The following JAK1 variants were observed in gnomAD, a reference collection of about 807,000 sequenced individuals.
JAK1 encodes the protein Janus kinase 1.
A neutral mutation model predicts 136.6 loss-of-function variants in JAK1; 16 were observed. The ratio of observed to expected loss-of-function variants is 0.12; its 90% CI spans 0.08 to 0.18. The LOEUF is 0.18. Ranked by LOEUF, JAK1 falls within the 10% of genes least tolerant of loss-of-function variation. The pLI is 1.00. For missense variants in JAK1, 859 were observed against 1,450.1 expected (o/e 0.59, Z 6.62); for synonymous variants, 492 against 519.5 (o/e 0.95, Z 0.72).
At chr1:65,040,491 C>T (rs957508467) in intron 2 of JAK1, among the ~76,000 whole-genome samples, 2 of 152,136 alleles carry the variant, frequency 1.3e-5, no homozygotes, top group Non-Finnish European at 2.9e-5. Flanking sequence ...ACCTTACAAT[C>T]GGGATGAGCA....
At chr1:64,904,332 G>C (rs1006463594) in intron 1 of JAK1, among the ~76,000 whole-genome samples, 1 of 152,112 alleles carries the variant, frequency 6.6e-6, no homozygotes, top group African/African-American at 2.4e-5. Flanking sequence ...ATGTTTTCTG[G>C]AATCTTGTAC....
intron 2 of JAK1, among the ~76,000 whole-genome samples, chr1:65,035,029 T>C (rs534639195): frequency 4.7e-4 from 72 of 151,958 alleles, no homozygotes; most frequent in Non-Finnish European, 4.9e-4. Flanking sequence ...GCACTCCAGC[T>C]TGGGCAACAA....
rs376548149 is a variant in JAK1, at chr1:64,996,756, C to T, written c.-78+47724G>A. 1.9e-4 allele frequency among the ~76,000 whole-genome samples: 29 copies of T among 152,264 alleles called. 5 individuals carry two copies. The highest frequency in any genetic ancestry group is 3.3e-4 in the Admixed American group (5 of 15,298). The stretch of plus-strand genomic sequence containing the variant: ...TTGCTGAATTCACATAAAAATCAGG[C>T]TACACTTGAGAAATCTGAAGAACAC... On this transcript the variant is annotated intron_variant, in intron 2 of 25. Transcript: ENST00000671954.
chr1:64,988,954 A>G (rs904275014), intron 2 of JAK1, among the ~76,000 whole-genome samples: 1 of 132,154 alleles, frequency 7.6e-6, no homozygotes, highest in African/African-American at 2.7e-5. Flanking sequence ...ATGTGTATAT[A>G]TATGTATGTA....
intron 2 of JAK1, among the ~76,000 whole-genome samples, chr1:64,975,128 G>A (rs913520238): frequency 2.7e-5 from 4 of 150,418 alleles, no homozygotes; most frequent in Non-Finnish European, 5.9e-5. Flanking sequence ...TCACTACATT[G>A]CCCGGGCTGG....
At chr1:64,955,537 G>T (rs1235672779) in intron 1 of JAK1, among the ~76,000 whole-genome samples, 1 of 152,158 alleles carries the variant, frequency 6.6e-6, no homozygotes, top group Non-Finnish European at 1.5e-5. Context: ...AGAGAAATAG[G>T]AGAGTATGCT....
At position 65,020,152 on chromosome 1, in the gene JAK1, G is replaced by A. The variant is rs539832295; in HGVS notation, c.-78+24328C>T. ...AAGCAGGAGAATCGCTTGAACCCGG[G>A]AGGCGGAGGTTGCAGTGAGCTGAGA... On this transcript the variant is annotated intron_variant, in intron 2 of 25. Coordinates refer to the JAK1 transcript ENST00000671954. Among the ~76,000 whole-genome samples, 12 of 150,504 alleles carry A rather than the reference G, an allele frequency of 8.0e-5. 1 individual carries two copies. The South Asian group carries it at 2.5e-3, about 32-fold the overall frequency.
At chr1:65,009,469 C>T (rs891075611) in intron 2 of JAK1, among the ~76,000 whole-genome samples, 4 of 151,974 alleles carry the variant, frequency 2.6e-5, no homozygotes, top group African/African-American at 9.7e-5. Flanking sequence ...ACAAATGTAT[C>T]ATTAAAAATT....
intron 1 of JAK1, among the ~76,000 whole-genome samples, chr1:64,921,249 T>C (rs769036144): frequency 6.6e-6 from 1 of 152,048 alleles, no homozygotes; most frequent in African/African-American, 2.4e-5. Flanking sequence ...CACTCCAAAA[T>C]CCAGCACAAG....
intron 1 of JAK1, among the ~76,000 whole-genome samples, chr1:64,899,888 T>C (rs1176714496): frequency 6.6e-6 from 1 of 152,176 alleles, no homozygotes; most frequent in African/African-American, 2.4e-5. Context: ...AGGATGATCC[T>C]AGCTATGATG....
In JAK1 at chr1:64,857,795, G is replaced by A. The variant is rs370479180; in HGVS notation, c.1335-16C>T. On this transcript the variant is annotated splice_polypyrimidine_tract_variant and intron_variant, in intron 9 of 24. Transcript: ENST00000342505. ...GTATTCTGTACTAGAGGGAGAAGTAGGCAAAGGGAGAAAGAGCTCACACCA... is the reference window on the plus strand; with the variant it reads ...GTATTCTGTACTAGAGGGAGAAGTAAGCAAAGGGAGAAAGAGCTCACACCA... The A allele has an allele frequency of 5.2e-5, 84 of 1,613,954 alleles. No homozygotes were observed. The African/African-American group carries it at 9.1e-4, about 17-fold the overall frequency.
At chr1:64,856,553 C>G (rs775378208) in intron 10 of JAK1, among the ~76,000 whole-genome samples, 3 of 152,162 alleles carry the variant, frequency 2.0e-5, no homozygotes, top group Non-Finnish European at 4.4e-5. Flanking sequence ...CACGGACACT[C>G]TTGGTACTGC....
At chr1:64,926,141 A>T (rs1437711570) in intron 1 of JAK1, among the ~76,000 whole-genome samples, 2 of 152,142 alleles carry the variant, frequency 1.3e-5, no homozygotes, top group Non-Finnish European at 2.9e-5. Context: ...ATAAACTGAA[A>T]GCTTCGCAAT....
intron 3 of JAK1, among the ~76,000 whole-genome samples, chr1:64,882,913 C>T (rs537475145): frequency 2.2e-4 from 33 of 152,174 alleles, no homozygotes; most frequent in African/African-American, 7.2e-4. Context: ...GGACTTAGTC[C>T]CAGGTGTTTT....
chr1:65,010,745 C>T (rs1646841743), intron 2 of JAK1, among the ~76,000 whole-genome samples: 1 of 152,126 alleles, frequency 6.6e-6, no homozygotes, highest in South Asian at 2.1e-4. Context: ...TTCTGGGAGG[C>T]CAAAGCTTGA....
At chr1:64,965,305 T>C (rs533406797) in intron 1 of JAK1, among the ~76,000 whole-genome samples, 11 of 152,292 alleles carry the variant, frequency 7.2e-5, no homozygotes, top group African/African-American at 2.6e-4. Context: ...TATAGCGATG[T>C]ACTCAACCAG....
At position 65,000,476 on chromosome 1, in the gene JAK1, T is replaced by C. The variant is rs375557176; in HGVS notation, c.-78+44004A>G. On this transcript the variant is annotated intron_variant, in intron 2 of 25. Coordinates refer to the JAK1 transcript ENST00000671954. ...CATGATTGTGCCACTGCACTACAGC[T>C]TGGGTGAGAGAGACCCCATCTCTTA... 1.3e-4 allele frequency among the ~76,000 whole-genome samples: 20 copies of C among 151,574 alleles called. 1 individual carries two copies. Among genetic ancestry groups the C allele is most frequent in the South Asian group, 4.2e-4 (2 of 4,798 alleles).
chr1:64,860,610 C>A (rs1311780809), intron 8 of JAK1, among the ~76,000 whole-genome samples: 1 of 151,900 alleles, frequency 6.6e-6, no homozygotes, highest in African/African-American at 2.4e-5. Flanking sequence ...CCTGCCATCA[C>A]ACCTGGCTAA....
intron 2 of JAK1, among the ~76,000 whole-genome samples, chr1:65,018,732 C>T (rs1238353843): frequency 1.3e-5 from 2 of 152,124 alleles, no homozygotes; most frequent in Non-Finnish European, 2.9e-5. Context: ...TAATAAAGGC[C>T]GGGCCCGGCG....
Sources: gnomAD v4.1 joint callset for allele counts (sites outside exome capture counted in the v4.1 genomes callset) on GRCh38, gnomAD v4.1.1 for gene constraint, MANE v1.5 for transcripts, NCBI Gene and HGNC (gene_info 2026-07-23, HGNC 2026-07-21) for gene names.